Variants in ZNF608 observed in about 807,000 individuals in gnomAD.
ZNF608 encodes zinc finger protein 608, also known as renal carcinoma antigen NY-REN-36.
A neutral mutation model predicts 109.0 loss-of-function variants in ZNF608; 12 were observed. The observed-to-expected ratio is 0.11, with a 90% CI of 0.07 to 0.18. The LOEUF (loss-of-function observed/expected upper bound fraction) is 0.18, where lower values mean the gene tolerates loss of function less well. ZNF608 is among the 10% of genes least tolerant of loss of function. The pLI is 1.00. For missense variants in ZNF608, 1,707 were observed against 1,879.3 expected, an observed-to-expected ratio of 0.91 and a Z score of 1.70; for synonymous variants, 732 against 717.4, an observed-to-expected ratio of 1.02 and a Z score of -0.33.
At chr5:124,692,303 G>A (rs928010931) in intron 3 of ZNF608, among the ~76,000 whole-genome samples, 2 of 152,142 alleles carry the variant, frequency 1.3e-5, no homozygotes, top group Non-Finnish European at 2.9e-5. Flanking sequence ...TACTCAAACA[G>A]GTATCAAGAC....
intron 3 of ZNF608, among the ~76,000 whole-genome samples, chr5:124,696,384 G>A (rs148303331): frequency 2.0e-4 from 31 of 152,250 alleles, no homozygotes; most frequent in African/African-American, 7.2e-4. Flanking sequence ...ACTATCATAA[G>A]TTGCCCTTTG....
At chr5:124,670,363 A>G (rs903990686) in intron 3 of ZNF608, among the ~76,000 whole-genome samples, 3 of 151,092 alleles carry the variant, frequency 2.0e-5, no homozygotes, top group Non-Finnish European at 2.9e-5. Context: ...GAAAGGCTCT[A>G]TAAGACTGCC....
At chr5:124,680,140 T>A (rs1752133509) in intron 3 of ZNF608, among the ~76,000 whole-genome samples, 1 of 151,366 alleles carries the variant, frequency 6.6e-6, no homozygotes, top group African/African-American at 2.4e-5. Context: ...AAGCCACATT[T>A]GAAAAAAAAA....
At chr5:124,724,132 G>A (rs1754044963) in intron 2 of ZNF608, among the ~76,000 whole-genome samples, 1 of 152,118 alleles carries the variant, frequency 6.6e-6, no homozygotes, top group Admixed American at 6.5e-5. Flanking sequence ...AAACACACAT[G>A]TGCAAAGATG....
chr5:124,666,311 T>C (rs1469749544), intron 3 of ZNF608: 1 of 152,242 alleles, frequency 6.6e-6, no homozygotes, highest in African/African-American at 2.4e-5. Context: ...TTGTGATCCT[T>C]GTTGGTACAG....
Position 124,651,329 on chromosome 5 carries a change from T to A in ZNF608, c.1163-1632A>T, listed in dbSNP as rs370495415. ...CATCCCTTCAGGAAAGGGGAGGGGG[T>A]GGGAGAGGAGGCAAAGGGGAAGACT... On this transcript the variant is annotated intron_variant, in intron 3 of 9. Coordinates refer to ENST00000513986, the MANE Select transcript of ZNF608 (RefSeq NM_020747.3). Among the ~76,000 whole-genome samples the A allele has an allele frequency of 7.9e-5, 12 of 150,960 alleles. No homozygotes were observed. In the East Asian group the frequency reaches 2.3e-3, roughly 29 times the overall value.
In ZNF608 at chr5:124,637,488, T is replaced by C. The variant is rs991129430; in HGVS notation, c.*412A>G. Reference sequence around the variant, plus strand: ...GGTTCAGGCACACTGATACATAACATTATTTATTTACAATTTTAAAGGAAA... The same window carrying C: ...GGTTCAGGCACACTGATACATAACACTATTTATTTACAATTTTAAAGGAAA... On this transcript the variant is annotated 3_prime_UTR_variant, in exon 10 of 10. Coordinates refer to ENST00000513986, the MANE Select transcript of ZNF608 (RefSeq NM_020747.3). The C allele has an allele frequency of 3.3e-5, 5 of 152,588 alleles. No homozygotes were observed. The highest frequency in any genetic ancestry group is 5.9e-5 in the Non-Finnish European group (4 of 68,058). The allele number at this position is 152,588 out of a possible 1,614,324, so 9.5% of individuals were successfully genotyped here.
At chr5:124,656,005 A>G (rs528935874) in intron 3 of ZNF608, among the ~76,000 whole-genome samples, 1 of 152,364 alleles carries the variant, frequency 6.6e-6, no homozygotes, top group East Asian at 1.9e-4. Context: ...AGGAAAAGTA[A>G]GTGTTGTCAC....
chr5:124,649,037 G>A lies in ZNF608; in HGVS notation c.1347C>T (p.Ala449=). 1 of 1,614,096 alleles carries A rather than the reference G, an allele frequency of 6.2e-7. No homozygotes were observed. The highest frequency in any genetic ancestry group is 8.5e-7 in the Non-Finnish European group (1 of 1,179,992). Residue 449 remains alanine, a synonymous_variant, in exon 5 of 10, where the codon GCC becomes GCT. Coordinates refer to ENST00000513986, the MANE Select transcript of ZNF608 (RefSeq NM_020747.3). ...GCAGCCCTCTGGACTCTGTGAAGCTGGCCTCGGAGCCCGGGGCAGCAGCAG... is the reference window on the plus strand; with the variant it reads ...GCAGCCCTCTGGACTCTGTGAAGCTAGCCTCGGAGCCCGGGGCAGCAGCAG... ...RSAAAAPGSE[A]SFTESRGLQN...
intron 2 of ZNF608, among the ~76,000 whole-genome samples, chr5:124,740,142 T>C (rs1469500147): frequency 1.3e-5 from 2 of 152,188 alleles, no homozygotes; most frequent in African/African-American, 2.4e-5. Context: ...CAGTTATGCA[T>C]ATTCCTTCTC....
At chr5:124,688,292 G>T (rs1413888782) in intron 3 of ZNF608, among the ~76,000 whole-genome samples, 1 of 152,114 alleles carries the variant, frequency 6.6e-6, no homozygotes, top group Admixed American at 6.6e-5. Context: ...CTCCATTGAG[G>T]CAGAGCCCAG....
upstream of ZNF608, chr5:124,748,638 T>A: frequency 1.2e-6 from 1 of 862,766 alleles, no homozygotes; most frequent in Non-Finnish European, 1.4e-6. Context: ...AATTTATTAT[T>A]AAAGAAGATG....
chr5:124,639,012 T>A (rs762939711), intron 9 of ZNF608, 121 bp downstream of exon 9: 54 of 961,682 alleles, frequency 5.6e-5, no homozygotes, highest in Non-Finnish European at 7.7e-5. Context: ...ATAAACACAT[T>A]CATTACAATG....
chr5:124,734,555 C>A (rs1019127929), intron 2 of ZNF608: 4 of 152,306 alleles, frequency 2.6e-5, no homozygotes, highest in Non-Finnish European at 5.9e-5. Context: ...AGGAACCCAC[C>A]TACTATACTG....
At chr5:124,713,139 A>G (rs903424459) in intron 2 of ZNF608, among the ~76,000 whole-genome samples, 2 of 151,936 alleles carry the variant, frequency 1.3e-5, no homozygotes, top group African/African-American at 4.8e-5. Context: ...ACAGAGAGAA[A>G]CTCTCTCTCC....
chr5:124,688,585 C>T (rs771157807), intron 3 of ZNF608, among the ~76,000 whole-genome samples: 10 of 152,224 alleles, frequency 6.6e-5, no homozygotes, highest in Non-Finnish European at 5.9e-5. Flanking sequence ...GTTTCTACTA[C>T]ATTAGAAATG....
chr5:124,713,512 T>C (rs566370568), intron 2 of ZNF608, among the ~76,000 whole-genome samples: 8 of 152,350 alleles, frequency 5.3e-5, no homozygotes, highest in Non-Finnish European at 5.9e-5. Flanking sequence ...TTCATACTTC[T>C]CATCAGTAGA....
intron 3 of ZNF608, among the ~76,000 whole-genome samples, chr5:124,671,527 T>A (rs1458253956): frequency 6.6e-6 from 1 of 152,128 alleles, no homozygotes; most frequent in African/African-American, 2.4e-5. Flanking sequence ...ACACAATACC[T>A]CAAGAGTCAA....
intron 9 of ZNF608, 86 bp downstream of exon 9, chr5:124,639,047 T>A: frequency 7.6e-7 from 1 of 1,317,956 alleles, no homozygotes; most frequent in Non-Finnish European, 1.1e-6. Context: ...GAGTTAAGTT[T>A]TTGGTCTAAA....
Sources: allele counts gnomAD v4.1 joint callset (sites outside exome capture counted in the v4.1 genomes callset), GRCh38; gene constraint gnomAD v4.1.1; transcripts MANE v1.5; gene names NCBI Gene and HGNC (gene_info 2026-07-23, HGNC 2026-07-21).